MYO16: variants seen among roughly 807,000 people sequenced by gnomAD.
The protein encoded by MYO16 is unconventional myosin-XVI.
In MYO16, 94 loss-of-function variants were observed where a neutral mutation model predicts 205.3. That is an observed-to-expected ratio of 0.46 (90% confidence interval 0.39 to 0.54). The LOEUF is 0.54. MYO16 is among the 20% of genes least tolerant of loss of function. The probability of loss-of-function intolerance (pLI) is 0.00; values close to 1 mark genes in which losing one functional copy is unlikely to be tolerated. For missense variants in MYO16, 2,315 were observed against 2,387.5 expected, an observed-to-expected ratio of 0.97 and a Z score of 0.63; for synonymous variants, 988 against 954.0, an observed-to-expected ratio of 1.04 and a Z score of -0.66.
At chr13:108,949,623 GTAA>G (rs1282113291) in intron 16 of MYO16, among the ~76,000 whole-genome samples, 3 of 152,132 alleles carry the variant, frequency 2.0e-5, no homozygotes, top group Non-Finnish European at 4.4e-5. Context: ...TAGGTTTAGT[GTAA>G]TTCCTGTTAA....
intron 27 of MYO16, among the ~76,000 whole-genome samples, chr13:109,096,216 C>T (rs532840108): frequency 6.6e-6 from 1 of 152,262 alleles, no homozygotes; most frequent in East Asian, 1.9e-4. Context: ...GGGTGGCATC[C>T]GCTCTTGCCT....
upstream of MYO16, chr13:108,629,171 A>G (rs1056776571): frequency 1.3e-5 from 2 of 152,210 alleles, no homozygotes; most frequent in African/African-American, 4.8e-5. Context: ...TTCTGCTCAG[A>G]AAAGCAGAAA....
At chr13:108,639,443 A>C (rs989913940) in intron 1 of MYO16, among the ~76,000 whole-genome samples, 1 of 151,944 alleles carries the variant, frequency 6.6e-6, no homozygotes, top group Non-Finnish European at 1.5e-5. Context: ...CTTCATTGGG[A>C]TCTCCTGATT....
chr13:108,797,295 G>C (rs1254667366), intron 6 of MYO16, among the ~76,000 whole-genome samples: 2 of 152,214 alleles, frequency 1.3e-5, no homozygotes, highest in African/African-American at 4.8e-5. Context: ...CTGGAACTCA[G>C]ATCTCTAGAT....
chr13:109,061,931 T>A (rs1396616094), intron 27 of MYO16, among the ~76,000 whole-genome samples: 1 of 152,116 alleles, frequency 6.6e-6, no homozygotes, highest in Non-Finnish European at 1.5e-5. Context: ...GTTATTAGAG[T>A]TCCTTAGATC....
intron 21 of MYO16, 30 bp downstream of exon 21, chr13:108,992,478 A>C (rs1884868920): frequency 2.2e-6 from 3 of 1,374,748 alleles, no homozygotes; most frequent in Non-Finnish European, 3.1e-6. Flanking sequence ...AAATTGTGTG[A>C]ACTTGAATGG....
intron 16 of MYO16, among the ~76,000 whole-genome samples, chr13:108,915,324 G>A (rs1881447862): frequency 6.6e-6 from 1 of 152,086 alleles, no homozygotes; most frequent in Non-Finnish European, 1.5e-5. Context: ...TCCACAAGAT[G>A]GCGAGCTCTC....
chr13:108,933,090 G>A (rs1214449085), intron 16 of MYO16, among the ~76,000 whole-genome samples: 1 of 152,182 alleles, frequency 6.6e-6, no homozygotes, highest in Non-Finnish European at 1.5e-5. Context: ...GAATGAGAAT[G>A]TTCTCTTGGT....
At chr13:109,132,436 T>C (rs1256451879) in intron 31 of MYO16, among the ~76,000 whole-genome samples, 1 of 152,232 alleles carries the variant, frequency 6.6e-6, no homozygotes, top group East Asian at 1.9e-4. Flanking sequence ...TTGGAAATAA[T>C]ATGTCTTTTC....
chr13:108,824,151 C>T (rs2139023894), intron 9 of MYO16, among the ~76,000 whole-genome samples: 1 of 152,068 alleles, frequency 6.6e-6, no homozygotes, highest in East Asian at 1.9e-4. Flanking sequence ...GAACAGCAGT[C>T]AGGTAAAGAA....
At chr13:108,814,446 C>T (rs1024411300) in intron 7 of MYO16, among the ~76,000 whole-genome samples, 1 of 151,858 alleles carries the variant, frequency 6.6e-6, no homozygotes, top group African/African-American at 2.4e-5. Context: ...TTCTTTCCTT[C>T]CTTCCTTCAT....
chr13:109,155,172 C>T (rs566034276), intron 32 of MYO16, among the ~76,000 whole-genome samples: 6 of 152,296 alleles, frequency 3.9e-5, no homozygotes, highest in East Asian at 1.9e-4. Flanking sequence ...TTGAAGACAT[C>T]GCTCTGTTTC....
At chr13:108,849,622 TG>T (rs1877729475) in intron 10 of MYO16, among the ~76,000 whole-genome samples, 1 of 13,920 alleles carries the variant, frequency 7.2e-5, no homozygotes, top group Non-Finnish European at 2.1e-4. Context: ...TCCTCTTTTG[TG>T]TGTGTGTGTG....
intron 7 of MYO16, among the ~76,000 whole-genome samples, chr13:108,817,622 T>C (rs1460092866): frequency 2.6e-5 from 4 of 152,318 alleles, no homozygotes; most frequent in Middle Eastern, 3.4e-3. Flanking sequence ...AACTGTGCGC[T>C]TATTAGTGTC....
In MYO16 at chr13:108,726,571, A is replaced by G. The variant is rs1399096636; in HGVS notation, c.364-869A>G. Reference sequence around the variant, plus strand: ...AGACTCTGTTTCAAAAAAAAAAAAAAAGAAAAAGAAAAAGAAAAATACTCA... The same window carrying G: ...AGACTCTGTTTCAAAAAAAAAAAAAGAGAAAAAGAAAAAGAAAAATACTCA... On this transcript the variant is annotated intron_variant, in intron 3 of 34. Coordinates refer to ENST00000457511, the MANE Select transcript of MYO16 (RefSeq NM_001198950.3). 1.8e-4 allele frequency among the ~76,000 whole-genome samples: 9 copies of G among 50,252 alleles called. No homozygotes were observed. In the East Asian group the frequency reaches 2.4e-3, roughly 13 times the overall value. The allele number at this position is 50,252 out of a possible 152,430, so 33.0% of individuals were successfully genotyped here. A position where few individuals can be genotyped will look rare whatever the true frequency, so the allele number is the denominator to read the frequency against.
Position 109,127,620 on chromosome 13 carries a change from C to A in MYO16, c.4051+70C>A, listed in dbSNP as rs775090846. 1 of 1,520,334 alleles carries A rather than the reference C, an allele frequency of 6.6e-7. No individual in the cohort carries two copies. Among genetic ancestry groups the A allele is most frequent in the Admixed American group, 1.8e-5 (1 of 54,712 alleles). 94.2% of individuals were successfully genotyped at this position (1,520,334 alleles called of 1,614,324 possible). On this transcript the variant is annotated intron_variant, in intron 31 of 34. Transcript: ENST00000457511. The surrounding 1 kb of genome is among the most constrained non-coding windows in gnomAD (Gnocchi z 4.2). ...ATGCTCTGACTTCGCCTTGGGGCGC[C>A]CATGGCAGTACTGTCGCCCTAATGT...
chr13:108,630,479 G>T (rs1031672688), intron 1 of MYO16, among the ~76,000 whole-genome samples: 12 of 152,130 alleles, frequency 7.9e-5, no homozygotes, highest in Non-Finnish European at 1.5e-4. Flanking sequence ...GGCTTATCAA[G>T]GGTTTCTTTA....
At chr13:108,625,218 G>C (rs1879688496), upstream of MYO16, among the ~76,000 whole-genome samples, 1 of 152,162 alleles carries the variant, frequency 6.6e-6, no homozygotes, top group African/African-American at 2.4e-5. Context: ...TGAAGCTGAA[G>C]TGAACACACA....
chr13:109,204,880 C>T (rs114895811), intron 34 of MYO16, among the ~76,000 whole-genome samples: 244 of 152,206 alleles, frequency 1.6e-3, no homozygotes, highest in African/African-American at 5.5e-3. Flanking sequence ...TACGAAAGCA[C>T]CTAGCACACG....
Sources: allele counts gnomAD v4.1 joint callset (sites outside exome capture counted in the v4.1 genomes callset), GRCh38; gene constraint gnomAD v4.1.1; non-coding constraint Gnocchi (gnomAD v3.1); transcripts MANE v1.5; gene names NCBI Gene and HGNC (gene_info 2026-07-23, HGNC 2026-07-21).